PELI2: variants seen among roughly 807,000 people sequenced by gnomAD.
PELI2 encodes the protein E3 ubiquitin-protein ligase pellino homolog 2.
PELI2 carries 23 observed loss-of-function variants against 42.3 expected under a neutral mutation model. The ratio of observed to expected loss-of-function variants is 0.54; its 90% CI spans 0.39 to 0.77. The LOEUF (loss-of-function observed/expected upper bound fraction) is 0.77. Among genes scored for constraint, PELI2 ranks in the 30% least tolerant of loss-of-function variants. The pLI is 0.00. For missense variants in PELI2, 463 were observed against 553.2 expected (o/e 0.84, Z 1.64); for synonymous variants, 245 against 212.2 (o/e 1.15, Z -1.34).
At chr14:56,207,294 C>T (rs1886552168) in intron 2 of PELI2, among the ~76,000 whole-genome samples, 1 of 152,168 alleles carries the variant, frequency 6.6e-6, no homozygotes, top group African/African-American at 2.4e-5. Context: ...ACAGCTTCTG[C>T]TATTGACTGC....
chr14:56,215,312 C>T (rs1403472647), intron 2 of PELI2, among the ~76,000 whole-genome samples: 4 of 152,162 alleles, frequency 2.6e-5, no homozygotes, highest in African/African-American at 9.7e-5. Flanking sequence ...GGGGTTTGGA[C>T]ATTTAAGGAT....
At position 56,118,577 on chromosome 14, in the gene PELI2, G is replaced by A; in HGVS notation, c.-84G>A. 1 of 903,622 alleles carries A rather than the reference G, an allele frequency of 1.1e-6. No homozygotes were observed. Among genetic ancestry groups the A allele is most frequent in the Non-Finnish European group, 1.5e-6 (1 of 664,550 alleles). 56.0% of individuals were successfully genotyped at this position (903,622 alleles called of 1,614,324 possible). On this transcript the variant is annotated 5_prime_UTR_variant, in exon 1 of 6. Coordinates refer to ENST00000267460, the MANE Select transcript of PELI2 (RefSeq NM_021255.3). ...CGCGCTCACCCCGTTCTCGGGATGG[G>A]ATTGTAGCGGCGGCGCGGACTCGGC...
At chr14:56,222,626 G>A (rs918998345) in intron 2 of PELI2, among the ~76,000 whole-genome samples, 9 of 152,224 alleles carry the variant, frequency 5.9e-5, no homozygotes, top group African/African-American at 1.9e-4. Context: ...TGTCTTTTTA[G>A]TGCACAGTGA....
intron 5 of PELI2, 76 bp from the exon 6 acceptor site, chr14:56,296,524 G>A (rs1890007915): frequency 9.8e-7 from 1 of 1,019,766 alleles, no homozygotes; most frequent in East Asian, 2.4e-5. Context: ...TTTTTTGCTT[G>A]TTCTGAGAGG....
intron 2 of PELI2, among the ~76,000 whole-genome samples, chr14:56,259,758 T>TCA (rs1202001363): frequency 6.6e-6 from 1 of 152,120 alleles, no homozygotes; most frequent in African/African-American, 2.4e-5. Flanking sequence ...GAGAAGCTAT[T>TCA]CACACTAGTA....
At chr14:56,188,787 A>G (rs1423804004) in intron 2 of PELI2, among the ~76,000 whole-genome samples, 4 of 152,128 alleles carry the variant, frequency 2.6e-5, no homozygotes, top group African/African-American at 4.8e-5. Context: ...AGATTTTTTG[A>G]ATGTTTAGTT....
intron 2 of PELI2, among the ~76,000 whole-genome samples, chr14:56,276,396 A>C (rs1889293076): frequency 6.6e-6 from 1 of 152,046 alleles, no homozygotes; most frequent in Non-Finnish European, 1.5e-5. Flanking sequence ...TCCTGGCTTT[A>C]GTCTCATCTT....
chr14:56,247,036 G>C (rs973545285), intron 2 of PELI2, among the ~76,000 whole-genome samples: 3 of 152,142 alleles, frequency 2.0e-5, no homozygotes, highest in Non-Finnish European at 4.4e-5. Context: ...ATAAAATACA[G>C]AGATACGAAT....
chr14:56,209,175 A>G (rs954416715), intron 2 of PELI2, among the ~76,000 whole-genome samples: 2 of 152,246 alleles, frequency 1.3e-5, no homozygotes, highest in East Asian at 1.9e-4. Context: ...AATTCAAAGT[A>G]TAAATTACAC....
intron 3 of PELI2, among the ~76,000 whole-genome samples, chr14:56,282,602 G>C (rs986429233): frequency 1.6e-4 from 25 of 151,880 alleles, no homozygotes; most frequent in African/African-American, 6.0e-4. Flanking sequence ...AATAATCTTA[G>C]ATAAAATATA....
At chr14:56,245,986 A>G (rs555835761) in intron 2 of PELI2, among the ~76,000 whole-genome samples, 42 of 152,316 alleles carry the variant, frequency 2.8e-4, no homozygotes, top group Non-Finnish European at 5.3e-4. Flanking sequence ...CCAGTCCACC[A>G]TGGACATTGA....
chr14:56,131,857 C>G (rs1883497058), intron 1 of PELI2, among the ~76,000 whole-genome samples: 1 of 152,134 alleles, frequency 6.6e-6, no homozygotes, highest in Non-Finnish European at 1.5e-5. Flanking sequence ...CTACCACACT[C>G]CAGCCTGGGC....
intron 2 of PELI2, among the ~76,000 whole-genome samples, chr14:56,221,168 G>A (rs1887120333): frequency 6.6e-6 from 1 of 152,168 alleles, no homozygotes; most frequent in African/African-American, 2.4e-5. Context: ...AACACTTTGT[G>A]AGGCACTGAA....
At chr14:56,195,047 T>C (rs188801268) in intron 2 of PELI2, among the ~76,000 whole-genome samples, 1 of 152,356 alleles carries the variant, frequency 6.6e-6, no homozygotes, top group Admixed American at 6.5e-5. Context: ...AACTGTAAAC[T>C]AGATGCTCAT....
chr14:56,258,703 A>G (rs1413696107), intron 2 of PELI2, among the ~76,000 whole-genome samples: 1 of 152,156 alleles, frequency 6.6e-6, no homozygotes, highest in Non-Finnish European at 1.5e-5. Flanking sequence ...AACTGAAAAA[A>G]ATAAAGATAG....
At chr14:56,133,201 A>T (rs1406301411) in intron 1 of PELI2, among the ~76,000 whole-genome samples, 2 of 152,218 alleles carry the variant, frequency 1.3e-5, no homozygotes, top group Non-Finnish European at 2.9e-5. Flanking sequence ...AGTGTTAGCC[A>T]ACTGACTTTC....
At position 56,291,103 on chromosome 14, in the gene PELI2, C is replaced by T. The variant is rs75260272; in HGVS notation, c.696+647C>T. ...TAATTATAATACCTTAAATATAGAACTTTGGGTTTCTGATCTTGCCATAGC... is the reference window on the plus strand; with the variant it reads ...TAATTATAATACCTTAAATATAGAATTTTGGGTTTCTGATCTTGCCATAGC... On this transcript the variant is annotated intron_variant, in intron 5 of 5. Coordinates refer to ENST00000267460, the MANE Select transcript of PELI2 (RefSeq NM_021255.3). Among the ~76,000 whole-genome samples, 479 of 152,284 alleles carry T rather than the reference C, an allele frequency of 3.1e-3. 2 individuals are homozygous for T. The highest frequency in any genetic ancestry group is 5.2e-3 in the Non-Finnish European group (351 of 68,024).
At chr14:56,279,436 CTTTGA>C (rs1261034031) in intron 2 of PELI2, among the ~76,000 whole-genome samples, 38 of 152,058 alleles carry the variant, frequency 2.5e-4, no homozygotes, top group Admixed American at 2.4e-3. Flanking sequence ...AGTAAATAAA[CTTTGA>C]TTTGATTTAA....
intron 2 of PELI2, among the ~76,000 whole-genome samples, chr14:56,208,417 CTA>C (rs1425450560): frequency 4.6e-5 from 7 of 152,216 alleles, no homozygotes; most frequent in Non-Finnish European, 8.8e-5. Context: ...AAAAGTATTT[CTA>C]TTTCACTGGA....
Sources: gnomAD v4.1 joint callset for allele counts (sites outside exome capture counted in the v4.1 genomes callset) on GRCh38, gnomAD v4.1.1 for gene constraint, MANE v1.5 for transcripts, NCBI Gene and HGNC (gene_info 2026-07-23, HGNC 2026-07-21) for gene names.